Variants in COX11 observed in about 807,000 individuals in gnomAD.
COX11 encodes the protein cytochrome c oxidase assembly protein COX11, mitochondrial.
COX11 carries 18 observed loss-of-function variants against 29.4 expected under a neutral mutation model. That is an observed-to-expected ratio of 0.61 (90% CI 0.42 to 0.91). The LOEUF is 0.91. Ranked by LOEUF, COX11 falls within the 40% of genes least tolerant of loss-of-function variation. The pLI, the probability that COX11 is intolerant of heterozygous loss-of-function variation, is 0.00. For missense variants in COX11, 312 were observed against 346.0 expected (o/e 0.90, Z 0.78); for synonymous variants, 131 against 124.0 (o/e 1.06, Z -0.38).
At chr17:54,968,767 G>C, upstream of COX11, 1 of 1,230,736 alleles carries the variant, frequency 8.1e-7, no homozygotes, top group Non-Finnish European at 1.1e-6. Flanking sequence ...GGCTCCTCAG[G>C]TGGCAGCGCT....
intron 3 of COX11, 33 bp from the exon 4 acceptor site, chr17:54,962,948 C>A (rs780636122): frequency 1.9e-6 from 3 of 1,562,254 alleles, no homozygotes; most frequent in Non-Finnish European, 2.6e-6. Flanking sequence ...AATAACATTT[C>A]TATTCTCGTA....
rs1195431002 is a variant in COX11 at position 54,960,537 on chromosome 17, AC to A, written c.*2195del. On this transcript the variant is annotated 3_prime_UTR_variant, in exon 4 of 4. Coordinates refer to ENST00000299335, the MANE Select transcript of COX11 (RefSeq NM_004375.5). ...AATAGCACTTTGAAATTGATACATAACCCTTTTGCTGTGATGGCTTTGTTTC... is the reference window on the plus strand; with the variant it reads ...AATAGCACTTTGAAATTGATACATAACCTTTTGCTGTGATGGCTTTGTTTC... 1 of 1,591,142 alleles carries A rather than the reference AC, an allele frequency of 6.3e-7. No individual in the cohort carries two copies. Among genetic ancestry groups the A allele is most frequent in the Non-Finnish European group, 8.6e-7 (1 of 1,160,316 alleles).
At chr17:54,968,716 T>G, upstream of COX11, 3 of 1,522,302 alleles carry the variant, frequency 2.0e-6, no homozygotes, top group Non-Finnish European at 1.8e-6. Context: ...GTGCTCCGTC[T>G]CGCGAGATCT....
At chr17:54,965,026 T>C (rs142082790) in intron 1 of COX11, among the ~76,000 whole-genome samples, 174 bp from the exon 2 acceptor site, 1 of 152,358 alleles carries the variant, frequency 6.6e-6, no homozygotes, top group African/African-American at 2.4e-5. Context: ...TGGGATGTCA[T>C]GAGCCTGTAT....
intron 3 of COX11, 53 bp downstream of exon 3, chr17:54,963,253 A>G (rs1208937757): frequency 6.4e-7 from 1 of 1,560,526 alleles, no homozygotes; most frequent in Non-Finnish European, 8.7e-7. Flanking sequence ...GTTTCATACT[A>G]AACCGTTTCA....
At position 54,968,638 on chromosome 17, in the gene COX11, C is replaced by T. The variant is rs773236524; in HGVS notation, c.9G>A (p.Gly3=). The T allele has an allele frequency of 1.9e-6, 3 of 1,612,006 alleles. No individual in the cohort carries two copies. In the East Asian group the frequency reaches 6.7e-5, roughly 36 times the overall value. Residue 3 remains glycine (G), a synonymous_variant, in exon 1 of 4, where the codon GGG becomes GGA. Coordinates refer to ENST00000299335, the MANE Select transcript of COX11 (RefSeq NM_004375.5). ...CGCACCTCCATCCAGGACGCCAGAG[C>T]CCTCCCATAACCCTCTGAACTAACA... The part of the protein sequence containing the change: MG[G]LWRPGWRCVP...
chr17:54,963,175 G>C, intron 3 of COX11, 131 bp downstream of exon 3: 1 of 1,044,156 alleles, frequency 9.6e-7, no homozygotes, highest in Non-Finnish European at 1.4e-6. Context: ...TATAGATAGT[G>C]AAGAAAAATA....
Position 54,952,871 on chromosome 17 carries a change from A to C in COX11, n.2279T>G, listed in dbSNP as rs1206348725. On this transcript the variant is annotated non_coding_transcript_exon_variant, in exon 1 of 1. Transcript: ENST00000572088. Reference sequence around the variant, plus strand: ...CCTGATTTAGAGAAATTGTGGCTCCAAACTTAGTCAGAAGGTCCCTTCCCA... The same window carrying C: ...CCTGATTTAGAGAAATTGTGGCTCCCAACTTAGTCAGAAGGTCCCTTCCCA... 2.0e-5 allele frequency: 3 copies of C among 152,256 alleles called. No individual in the cohort carries two copies. In the East Asian group the frequency reaches 5.8e-4, roughly 29 times the overall value. 9.4% of individuals were successfully genotyped at this position (152,256 alleles called of 1,614,324 possible).
chr17:54,961,491 G>A lies in COX11; in HGVS notation c.*1242C>T. ...ACTTCAGCAGAAGAAAAATTACTTA[G>A]TCCTTAGGCCAACCAATTTAACTGC... On this transcript the variant is annotated 3_prime_UTR_variant, in exon 4 of 4. Coordinates refer to ENST00000299335, the MANE Select transcript of COX11 (RefSeq NM_004375.5). 7.0e-7 allele frequency: 1 copy of A among 1,428,590 alleles called. No homozygotes were observed. The highest frequency in any genetic ancestry group is 9.1e-7 in the Non-Finnish European group (1 of 1,095,956). The allele number at this position is 1,428,590 out of a possible 1,614,324, so 88.5% of individuals were successfully genotyped here. A position where few individuals can be genotyped will look rare whatever the true frequency, so the allele number is the denominator to read the frequency against.
Position 54,960,483 on chromosome 17 carries a change from T to C in COX11, c.*2250A>G, listed in dbSNP as rs2077091420. 2.0e-6 allele frequency: 2 copies of C among 997,088 alleles called. No individual in the cohort carries two copies. The highest frequency in any genetic ancestry group is 1.8e-5 in the Admixed American group (1 of 56,830). The allele number at this position is 997,088 out of a possible 1,614,324, so 61.8% of individuals were successfully genotyped here. On this transcript the variant is annotated 3_prime_UTR_variant, in exon 4 of 4. Transcript: ENST00000299335. ...TGAACTCCAAAACCAGCTCAATTTT[T>C]AATTACAGTGCTGGCAGTTAAAAAC... is the stretch of plus-strand genomic sequence containing the variant.
intron 2 of COX11, 50 bp downstream of exon 2, chr17:54,964,647 A>C: frequency 6.5e-7 from 1 of 1,532,734 alleles, no homozygotes; most frequent in Non-Finnish European, 9.0e-7. Flanking sequence ...GATGAAAGAA[A>C]GGAATTTACA....
chr17:54,967,724 C>T (rs1345771484), intron 1 of COX11, among the ~76,000 whole-genome samples: 1 of 151,616 alleles, frequency 6.6e-6, no homozygotes, highest in Non-Finnish European at 1.5e-5. Flanking sequence ...TTGCAATGTA[C>T]TTAACAGTTT....
chr17:54,959,972 A>G (rs2077072744), downstream of COX11, among the ~76,000 whole-genome samples: 1 of 152,106 alleles, frequency 6.6e-6, no homozygotes, highest in African/African-American at 2.4e-5. Context: ...TTTTAAGCAA[A>G]ACATAAACTG....
chr17:54,960,690 T>A lies in COX11; in HGVS notation c.*2043A>T, dbSNP rs1346079899. 1 of 1,269,686 alleles carries A rather than the reference T, an allele frequency of 7.9e-7. No homozygotes were observed. The highest frequency in any genetic ancestry group is 1.5e-5 in the African/African-American group (1 of 67,472). 78.7% of individuals were successfully genotyped at this position (1,269,686 alleles called of 1,614,324 possible). ...CATATAATTTCAGTATAATTATCAC[T>A]TTACATATTTAGTATTTAAATTTTC... On this transcript the variant is annotated 3_prime_UTR_variant, in exon 4 of 4. Transcript: ENST00000299335.
At chr17:54,956,599 G>A (rs574465250), downstream of COX11, among the ~76,000 whole-genome samples, 3 of 151,994 alleles carry the variant, frequency 2.0e-5, no homozygotes, top group African/African-American at 4.8e-5. Context: ...GTAAGCCACC[G>A]TGCCTAGCCT....
chr17:54,962,612 GA>G lies in COX11; in HGVS notation c.*120del. 1 of 1,369,626 alleles carries G rather than the reference GA, an allele frequency of 7.3e-7. No homozygotes were observed. The highest frequency in any genetic ancestry group is 9.5e-7 in the Non-Finnish European group (1 of 1,051,112). 84.8% of individuals were successfully genotyped at this position (1,369,626 alleles called of 1,614,324 possible). A position where few individuals can be genotyped will look rare whatever the true frequency, so the allele number is the denominator to read the frequency against. Reference sequence around the variant, plus strand: ...AGTTTAAGTGAAAAAAATTAGTTGAGAAAAAATAATTATTTAAAATATAAGC... The same window carrying G: ...AGTTTAAGTGAAAAAAATTAGTTGAGAAAAATAATTATTTAAAATATAAGC... On this transcript the variant is annotated 3_prime_UTR_variant, in exon 4 of 4. Coordinates refer to ENST00000299335, the MANE Select transcript of COX11 (RefSeq NM_004375.5).
At position 54,961,521 on chromosome 17, in the gene COX11, T is replaced by G; in HGVS notation, c.*1212A>C. The G allele has an allele frequency of 1.4e-6, 2 of 1,404,338 alleles. No individual in the cohort carries two copies. The highest frequency in any genetic ancestry group is 5.3e-4 in the Middle Eastern group (2 of 3,780). The allele number at this position is 1,404,338 out of a possible 1,614,324, so 87.0% of individuals were successfully genotyped here. A position where few individuals can be genotyped will look rare whatever the true frequency, so the allele number is the denominator to read the frequency against. On this transcript the variant is annotated 3_prime_UTR_variant, in exon 4 of 4. Coordinates refer to ENST00000299335, the MANE Select transcript of COX11 (RefSeq NM_004375.5). The stretch of plus-strand genomic sequence containing the variant: ...TAGGCCAACCAATTTAACTGCAGTG[T>G]CATGTTTCACAGGCCTTCCTACATT...
chr17:54,957,472 C>A (rs1223366815), downstream of COX11: 1 of 152,054 alleles, frequency 6.6e-6, no homozygotes, highest in Non-Finnish European at 1.5e-5. Flanking sequence ...TGATTATATT[C>A]AAATTAGGAG....
chr17:54,955,357 G>A (rs1405432282), upstream of COX11, among the ~76,000 whole-genome samples: 3 of 152,178 alleles, frequency 2.0e-5, no homozygotes, highest in African/African-American at 7.2e-5. Context: ...TGTTTCCTCA[G>A]AGAAAGCACA....
Sources: gnomAD v4.1 joint callset for allele counts (sites outside exome capture counted in the v4.1 genomes callset) on GRCh38, gnomAD v4.1.1 for gene constraint, MANE v1.5 for transcripts, NCBI Gene and HGNC (gene_info 2026-07-23, HGNC 2026-07-21) for gene names.